The following NXPH1 variants were observed in gnomAD, a reference collection of about 807,000 sequenced individuals.
NXPH1 encodes neurexophilin-1.
A neutral mutation model predicts 23.7 loss-of-function variants in NXPH1; 5 were observed. The ratio of observed to expected loss-of-function variants is 0.21; its 90% CI spans 0.11 to 0.44. The LOEUF is 0.44. Ranked by LOEUF, NXPH1 falls within the 20% of genes least tolerant of loss-of-function variation. The probability of loss-of-function intolerance (pLI) is 0.99; values close to 1 mark genes in which losing one functional copy is unlikely to be tolerated. For missense variants in NXPH1, 324 were observed against 321.6 expected (o/e 1.01, Z -0.06); for synonymous variants, 144 against 122.2 (o/e 1.18, Z -1.18).
chr7:8,666,545 T>G (rs1475380588), intron 2 of NXPH1, among the ~76,000 whole-genome samples: 1 of 152,050 alleles, frequency 6.6e-6, no homozygotes, highest in African/African-American at 2.4e-5. Flanking sequence ...ATGCTGGCCT[T>G]GTACAATAAG....
At chr7:8,549,023 C>G (rs1818237148) in intron 2 of NXPH1, among the ~76,000 whole-genome samples, 1 of 151,426 alleles carries the variant, frequency 6.6e-6, no homozygotes, top group Non-Finnish European at 1.5e-5. Flanking sequence ...TTGTAGAACT[C>G]CTTTGTTTAA....
At chr7:8,492,185 T>G (rs776797289) in intron 2 of NXPH1, among the ~76,000 whole-genome samples, 6 of 152,070 alleles carry the variant, frequency 3.9e-5, no homozygotes, top group Admixed American at 2.0e-4. Flanking sequence ...GATCCGACAT[T>G]AGAATTTTAG....
intron 2 of NXPH1, among the ~76,000 whole-genome samples, chr7:8,717,892 G>GAGTATATA (rs1779902872): frequency 1.5e-5 from 1 of 68,332 alleles, no homozygotes. Flanking sequence ...TTCTCTCTGT[G>GAGTATATA]TGTATATATA....
At chr7:8,518,047 A>G (rs965291720) in intron 2 of NXPH1, among the ~76,000 whole-genome samples, 2 of 152,206 alleles carry the variant, frequency 1.3e-5, no homozygotes, top group Non-Finnish European at 2.9e-5. Context: ...TAGTAGCTAT[A>G]TTTGTGAAAC....
intron 2 of NXPH1, among the ~76,000 whole-genome samples, chr7:8,659,365 T>G (rs1223159038): frequency 6.6e-6 from 1 of 152,232 alleles, no homozygotes; most frequent in African/African-American, 2.4e-5. Context: ...ATCAAGGCTT[T>G]TAGCTTCTTT....
chr7:8,568,089 A>G (rs948038314), intron 2 of NXPH1, among the ~76,000 whole-genome samples: 3 of 151,892 alleles, frequency 2.0e-5, no homozygotes, highest in African/African-American at 7.2e-5. Flanking sequence ...TTTAAAATTG[A>G]TATTCATCCT....
At chr7:8,744,090 G>A (rs1307106460) in intron 2 of NXPH1, among the ~76,000 whole-genome samples, 1 of 152,122 alleles carries the variant, frequency 6.6e-6, no homozygotes, top group Admixed American at 6.6e-5. Context: ...TTTGATGTTA[G>A]ATCTAAGCTT....
intron 2 of NXPH1, among the ~76,000 whole-genome samples, chr7:8,634,374 A>G (rs1820182832): frequency 6.6e-6 from 1 of 152,158 alleles, no homozygotes; most frequent in South Asian, 2.1e-4. Flanking sequence ...CTCCCCAGCC[A>G]TGTGGAACTG....
intron 2 of NXPH1, among the ~76,000 whole-genome samples, chr7:8,489,444 A>G (rs1817212862): frequency 6.6e-6 from 1 of 152,078 alleles, no homozygotes; most frequent in Non-Finnish European, 1.5e-5. Flanking sequence ...TGTGCCAGGT[A>G]CTTCACTTGG....
At chr7:8,482,594 A>G (rs1400093523) in intron 2 of NXPH1, among the ~76,000 whole-genome samples, 1 of 152,148 alleles carries the variant, frequency 6.6e-6, no homozygotes, top group Non-Finnish European at 1.5e-5. Context: ...CTTTTAAATC[A>G]GGGGTGGAGA....
chr7:8,641,606 G>C (rs1820314218), intron 2 of NXPH1, among the ~76,000 whole-genome samples: 1 of 151,886 alleles, frequency 6.6e-6, no homozygotes. Context: ...TGCTTTGTTG[G>C]TTTCCTTTTT....
intron 2 of NXPH1, among the ~76,000 whole-genome samples, chr7:8,669,216 G>A (rs114108956): frequency 0.019 from 2,866 of 152,284 alleles, 44 homozygotes; most frequent in Middle Eastern, 0.048. Context: ...TGGAGCATGC[G>A]TCCATGGGTG....
At chr7:8,738,992 T>A (rs979542727) in intron 2 of NXPH1, among the ~76,000 whole-genome samples, 1 of 151,830 alleles carries the variant, frequency 6.6e-6, no homozygotes, top group Non-Finnish European at 1.5e-5. Flanking sequence ...AGCTCAAGCA[T>A]CCCAGGTCGA....
intron 2 of NXPH1, among the ~76,000 whole-genome samples, chr7:8,672,523 C>T (rs1371558308): frequency 1.3e-5 from 2 of 151,490 alleles, no homozygotes; most frequent in Non-Finnish European, 2.9e-5. Context: ...AATGAAACCC[C>T]TAGGGGAAAA....
At chr7:8,711,035 A>G (rs973398845) in intron 2 of NXPH1, among the ~76,000 whole-genome samples, 1 of 152,220 alleles carries the variant, frequency 6.6e-6, no homozygotes, top group Non-Finnish European at 1.5e-5. Flanking sequence ...TCTTTCTGCT[A>G]TAGCTCTATC....
At chr7:8,623,065 C>T (rs1488764743) in intron 2 of NXPH1, among the ~76,000 whole-genome samples, 1 of 152,098 alleles carries the variant, frequency 6.6e-6, no homozygotes, top group Non-Finnish European at 1.5e-5. Flanking sequence ...CTCCAGGGAG[C>T]AGTTTGTCCA....
At chr7:8,501,143 C>T (rs996547758) in intron 2 of NXPH1, among the ~76,000 whole-genome samples, 6 of 152,134 alleles carry the variant, frequency 3.9e-5, no homozygotes, top group Admixed American at 6.5e-5. Context: ...GTCACAGATA[C>T]GATTTTTGTC....
chr7:8,641,617 C>CT, intron 2 of NXPH1, among the ~76,000 whole-genome samples: 4 of 152,098 alleles, frequency 2.6e-5, no homozygotes, highest in African/African-American at 9.6e-5. Flanking sequence ...TTTCCTTTTT[C>CT]TTTTTTAAAA....
intron 2 of NXPH1, among the ~76,000 whole-genome samples, chr7:8,550,060 AT>A (rs1235662309): frequency 6.6e-6 from 1 of 151,588 alleles, no homozygotes; most frequent in Non-Finnish European, 1.5e-5. Flanking sequence ...ATGCAACCCA[AT>A]TTTTAAATAG....
Sources: gnomAD v4.1 joint callset for allele counts (sites outside exome capture counted in the v4.1 genomes callset) on GRCh38, gnomAD v4.1.1 for gene constraint, MANE v1.5 for transcripts, NCBI Gene and HGNC (gene_info 2026-07-23, HGNC 2026-07-21) for gene names.